Variants in CTDSPL observed in about 807,000 individuals in gnomAD.
CTDSPL encodes CTD small phosphatase like.
CTDSPL carries 8 observed loss-of-function variants against 30.5 expected under a neutral mutation model. The ratio of observed to expected loss-of-function variants is 0.26; its 90% CI spans 0.15 to 0.47. The LOEUF (loss-of-function observed/expected upper bound fraction) is 0.47, where lower values mean the gene tolerates loss of function less well. Ranked by LOEUF, CTDSPL falls within the 20% of genes least tolerant of loss-of-function variation. CTDSPL has a pLI of 0.99. For missense variants in CTDSPL, 248 were observed against 366.1 expected (o/e 0.68, Z 2.63); for synonymous variants, 110 against 137.9 (o/e 0.80, Z 1.42).
intron 1 of CTDSPL, among the ~76,000 whole-genome samples, chr3:37,907,815 T>C (rs1459673435): frequency 2.0e-5 from 3 of 152,228 alleles, no homozygotes; most frequent in South Asian, 2.1e-4. Flanking sequence ...TTAAGCATGT[T>C]AGAAAGTTTG....
At chr3:37,944,057 C>T (rs1575310791) in intron 1 of CTDSPL, among the ~76,000 whole-genome samples, 1 of 149,680 alleles carries the variant, frequency 6.7e-6, no homozygotes, top group South Asian at 2.2e-4. Context: ...TAGAAGCGTA[C>T]GAATTAGGCT....
In CTDSPL at chr3:37,982,151, G is replaced by A; in HGVS notation, c.*1284G>A. ...AAATAAGCTGACTGTTCTCTCTTGAGAACCTGTGGCCTCAACCAGCCACCA... is the reference window on the plus strand; with the variant it reads ...AAATAAGCTGACTGTTCTCTCTTGAAAACCTGTGGCCTCAACCAGCCACCA... On this transcript the variant is annotated 3_prime_UTR_variant, in exon 8 of 8. Coordinates refer to ENST00000273179, the MANE Select transcript of CTDSPL (RefSeq NM_001008392.2). 3 of 318,718 alleles carry A rather than the reference G, an allele frequency of 9.4e-6. No homozygotes were observed. The highest frequency in any genetic ancestry group is 7.8e-5 in the South Asian group (3 of 38,616). The allele number at this position is 318,718 out of a possible 1,614,324, so 19.7% of individuals were successfully genotyped here.
chr3:37,967,956 T>C, intron 5 of CTDSPL, 74 bp downstream of exon 5: 2 of 985,106 alleles, frequency 2.0e-6, no homozygotes. Context: ...ACTTTATTTC[T>C]AAATTCTCAT....
intron 1 of CTDSPL, among the ~76,000 whole-genome samples, chr3:37,946,555 C>T (rs1189808233): frequency 2.0e-5 from 3 of 152,220 alleles, no homozygotes; most frequent in African/African-American, 7.2e-5. Flanking sequence ...CATTTCTTAA[C>T]CCACGAAGTT....
At chr3:37,870,933 C>T (rs1342124664) in intron 1 of CTDSPL, among the ~76,000 whole-genome samples, 3 of 152,186 alleles carry the variant, frequency 2.0e-5, no homozygotes, top group Non-Finnish European at 4.4e-5. Context: ...CCATTTATTA[C>T]AATTGATAAA....
rs1382319414 is a variant in CTDSPL, at chr3:37,947,108, G to C, written c.131G>C (p.Ser44Thr). The C allele has an allele frequency of 2.5e-6, 4 of 1,613,826 alleles. No homozygotes were observed. The highest frequency in any genetic ancestry group is 3.4e-6 in the Non-Finnish European group (4 of 1,180,008). Residue 44 changes from serine to threonine, a missense_variant, in exon 2 of 8, where the codon AGC becomes ACC. Ser to Thr is a moderately conservative substitution (Grantham distance 58). Transcript: ENST00000273179. ...AAGCAGAGGAGCCGCAGCATCCTTA[G>C]CTCCTTCTTCTGCTGCTTCCGTGAT... is the stretch of plus-strand genomic sequence containing the variant. ...LKKQRSRSIL[S>T]SFFCCFRDYN...
At chr3:37,948,808 C>CTTTTTTTTTTTTTTTTTTT (rs71635858) in intron 2 of CTDSPL, among the ~76,000 whole-genome samples, 7 of 108,150 alleles carry the variant, frequency 6.5e-5, no homozygotes, top group African/African-American at 2.9e-4. Context: ...TTCCAGCTTT[C>CTTTTTTTTTTTTTTTTTTT]TTTTTTTTTT....
Position 37,928,152 on chromosome 3 carries a change from G to A in CTDSPL, c.80-18905G>A, listed in dbSNP as rs6801250. Among the ~76,000 whole-genome samples the A allele has an allele frequency of 2.8e-3, 419 of 152,230 alleles. 2 individuals are homozygous for A. Among genetic ancestry groups the A allele is most frequent in the African/African-American group, 8.6e-3 (357 of 41,524 alleles). ...TTTATCCATTCATCCGTTAATGGAC[G>A]TTTCAGTTGTTTATTGTAAATAGTG... On this transcript the variant is annotated intron_variant, in intron 1 of 7. Transcript: ENST00000273179.
At chr3:37,909,197 G>A (rs1192304712) in intron 1 of CTDSPL, among the ~76,000 whole-genome samples, 1 of 152,164 alleles carries the variant, frequency 6.6e-6, no homozygotes, top group African/African-American at 2.4e-5. Flanking sequence ...TTTGAAGGTA[G>A]ACAAAGCCAG....
intron 1 of CTDSPL, among the ~76,000 whole-genome samples, chr3:37,889,755 G>T (rs899061996): frequency 6.6e-6 from 1 of 152,078 alleles, no homozygotes; most frequent in African/African-American, 2.4e-5. Context: ...CTTTTGGAGG[G>T]GGAAAACTTG....
At chr3:37,971,566 A>G in intron 6 of CTDSPL, 67 bp downstream of exon 6, 1 of 1,389,800 alleles carries the variant, frequency 7.2e-7, no homozygotes, top group Non-Finnish European at 1.0e-6. Flanking sequence ...CCTACCCCCA[A>G]TCTGTCAAGC....
intron 3 of CTDSPL, among the ~76,000 whole-genome samples, chr3:37,960,509 T>A (rs1407759971): frequency 0.035 from 838 of 24,028 alleles, 32 homozygotes; most frequent in African/African-American, 0.052. Context: ...AAAAAAAATA[T>A]ATATATATAT....
intron 1 of CTDSPL, among the ~76,000 whole-genome samples, chr3:37,881,124 G>T (rs965894125): frequency 6.6e-6 from 1 of 151,966 alleles, no homozygotes; most frequent in African/African-American, 2.4e-5. Flanking sequence ...ATTAAACCTG[G>T]TGCTCATTTT....
chr3:37,949,423 C>T (rs1254746798), intron 2 of CTDSPL, among the ~76,000 whole-genome samples: 1 of 152,184 alleles, frequency 6.6e-6, no homozygotes, highest in East Asian at 1.9e-4. Flanking sequence ...CAACAACAGG[C>T]AGTTGGTTAA....
At chr3:37,968,627 G>A (rs947650571) in intron 5 of CTDSPL, among the ~76,000 whole-genome samples, 5 of 152,166 alleles carry the variant, frequency 3.3e-5, no homozygotes, top group Admixed American at 6.5e-5. Context: ...TAAAGGGAGC[G>A]TATCTGGCCT....
At chr3:37,879,615 C>G (rs965321440) in intron 1 of CTDSPL, among the ~76,000 whole-genome samples, 11 of 152,160 alleles carry the variant, frequency 7.2e-5, no homozygotes, top group Admixed American at 3.3e-4. Context: ...GCTTTTCCCT[C>G]ATGTACCTGA....
chr3:37,953,922 A>T (rs114761039), intron 2 of CTDSPL, among the ~76,000 whole-genome samples: 2 of 152,214 alleles, frequency 1.3e-5, no homozygotes, highest in African/African-American at 4.8e-5. Context: ...TGCAGATGAC[A>T]TGACTGTTTA....
intron 1 of CTDSPL, among the ~76,000 whole-genome samples, chr3:37,936,559 T>G (rs1698917737): frequency 6.7e-6 from 1 of 150,046 alleles, no homozygotes; most frequent in Non-Finnish European, 1.5e-5. Context: ...GGCCCTGGGA[T>G]GCATTCCAGA....
At position 37,882,290 on chromosome 3, in the gene CTDSPL, A is replaced by G. The variant is rs555176662; in HGVS notation, c.79+20012A>G. 1.2e-4 allele frequency among the ~76,000 whole-genome samples: 19 copies of G among 152,116 alleles called. No homozygotes were observed. In the East Asian group the frequency reaches 3.7e-3, roughly 29 times the overall value. On this transcript the variant is annotated intron_variant, in intron 1 of 7. Coordinates refer to ENST00000273179, the MANE Select transcript of CTDSPL (RefSeq NM_001008392.2). ...ACCCCGTCTCTACTAAAAATACAAA[A>G]AATTAGCCAGGTGTGGTGGCTGGTG... is the stretch of plus-strand genomic sequence containing the variant.
Sources: gnomAD v4.1 joint callset for allele counts (sites outside exome capture counted in the v4.1 genomes callset) on GRCh38, gnomAD v4.1.1 for gene constraint, MANE v1.5 for transcripts, NCBI Gene and HGNC (gene_info 2026-07-23, HGNC 2026-07-21) for gene names.